The following IL1R1 variants were observed in gnomAD, a reference collection of about 807,000 sequenced individuals.
IL1R1 encodes the protein interleukin 1 receptor type 1.
IL1R1 carries 22 observed loss-of-function variants against 50.2 expected under a neutral mutation model. That is an observed-to-expected ratio of 0.44 (90% CI 0.31 to 0.63). The LOEUF (loss-of-function observed/expected upper bound fraction) is 0.63. IL1R1 is among the 20% of genes least tolerant of loss of function. The pLI, the probability that IL1R1 is intolerant of heterozygous loss-of-function variation, is 0.07. For missense variants in IL1R1, 509 were observed against 676.2 expected (o/e 0.75, Z 2.74); for synonymous variants, 251 against 236.7 (o/e 1.06, Z -0.55).
intron 1 of IL1R1, among the ~76,000 whole-genome samples, chr2:102,118,422 C>T (rs1431010716): frequency 6.6e-6 from 1 of 152,048 alleles, no homozygotes; most frequent in African/African-American, 2.4e-5. Flanking sequence ...AATGTGTTTC[C>T]CTGAGGTCTG....
intron 6 of IL1R1, 73 bp from the exon 7 acceptor site, chr2:102,168,525 T>C: frequency 8.7e-7 from 1 of 1,148,086 alleles, no homozygotes; most frequent in South Asian, 1.2e-5. Context: ...TAGTATGTTT[T>C]GCTAAGTGTT....
chr2:102,127,988 T>A (rs1681818734), intron 1 of IL1R1, among the ~76,000 whole-genome samples: 1 of 152,194 alleles, frequency 6.6e-6, no homozygotes, highest in Admixed American at 6.5e-5. Context: ...TATCTTTGAG[T>A]GTTTAGATTT....
intron 1 of IL1R1, among the ~76,000 whole-genome samples, chr2:102,112,161 G>T (rs1261563476): frequency 6.6e-6 from 1 of 152,056 alleles, no homozygotes; most frequent in South Asian, 2.1e-4. Context: ...CAGTCTTAGG[G>T]TCTTGGTGGC....
At chr2:102,126,129 C>A (rs1013571083) in intron 1 of IL1R1, among the ~76,000 whole-genome samples, 2 of 152,186 alleles carry the variant, frequency 1.3e-5, no homozygotes, top group African/African-American at 4.8e-5. Context: ...ACATAACCTA[C>A]TTAAGCATGA....
chr2:102,083,253 G>C (rs1286033866), intron 1 of IL1R1, among the ~76,000 whole-genome samples: 1 of 152,090 alleles, frequency 6.6e-6, no homozygotes, highest in Non-Finnish European at 1.5e-5. Flanking sequence ...CTTTGAGTGG[G>C]TGTTTGGAAA....
chr2:102,134,529 C>T (rs1164229856), intron 1 of IL1R1, among the ~76,000 whole-genome samples: 1 of 152,118 alleles, frequency 6.6e-6, no homozygotes, highest in Non-Finnish European at 1.5e-5. Context: ...CAGGCATGTG[C>T]CACCACGCCC....
intron 3 of IL1R1, among the ~76,000 whole-genome samples, chr2:102,164,209 C>G (rs1009247272): frequency 6.6e-6 from 1 of 152,100 alleles, no homozygotes; most frequent in Non-Finnish European, 1.5e-5. Flanking sequence ...TTATGCAGCT[C>G]TAAGTACTTG....
chr2:102,164,877 A>G lies in IL1R1; in HGVS notation c.165A>G (p.Ile55Met). Residue 55 changes from isoleucine to methionine, a missense_variant, in exon 4 of 12, where the codon ATA (isoleucine) becomes ATG (methionine). By Grantham distance (10) the Ile-to-Met change is conservative. Transcript: ENST00000410023. ...PLNPNEHKGT[I>M]TWYKDDSKTP... ...ACCCAAATGAACACAAAGGCACTATAACTTGGTATAAAGATGACAGCAAGA... is the reference window on the plus strand; with the variant it reads ...ACCCAAATGAACACAAAGGCACTATGACTTGGTATAAAGATGACAGCAAGA... 6.2e-7 allele frequency: 1 copy of G among 1,614,028 alleles called. No homozygotes were observed. The highest frequency in any genetic ancestry group is 8.5e-7 in the Non-Finnish European group (1 of 1,179,918).
chr2:102,120,456 A>G (rs1681344966), intron 1 of IL1R1, among the ~76,000 whole-genome samples: 1 of 152,226 alleles, frequency 6.6e-6, no homozygotes, highest in African/African-American at 2.4e-5. Context: ...CTTAGTAAAC[A>G]TTTGTCACAT....
At chr2:102,125,251 C>T (rs1490917472) in intron 1 of IL1R1, among the ~76,000 whole-genome samples, 1 of 152,192 alleles carries the variant, frequency 6.6e-6, no homozygotes. Flanking sequence ...TTGCAACTCC[C>T]TTCATCATCT....
At chr2:102,095,995 C>A (rs1053541535) in intron 1 of IL1R1, among the ~76,000 whole-genome samples, 14 of 152,210 alleles carry the variant, frequency 9.2e-5, no homozygotes, top group African/African-American at 3.1e-4. Context: ...TAGCCAGACT[C>A]TGTCTCAAAA....
intron 1 of IL1R1, among the ~76,000 whole-genome samples, chr2:102,082,716 G>A (rs1577800661): frequency 6.6e-6 from 1 of 152,104 alleles, no homozygotes; most frequent in East Asian, 1.9e-4. Context: ...AATATTTCAA[G>A]CGAGCATGCC....
chr2:102,167,334 C>T (rs1376654195), intron 6 of IL1R1, among the ~76,000 whole-genome samples: 1 of 151,924 alleles, frequency 6.6e-6, no homozygotes, highest in Non-Finnish European at 1.5e-5. Flanking sequence ...TTTTAGCAGC[C>T]TGTCATTGGG....
chr2:102,175,536 G>T lies in IL1R1; in HGVS notation c.1194G>T (p.Gly398=), dbSNP rs1686053833. 8 of 1,613,424 alleles carry T rather than the reference G, an allele frequency of 5.0e-6. No homozygotes were observed. The highest frequency in any genetic ancestry group is 6.8e-6 in the Non-Finnish European group (8 of 1,179,374). The change falls in exon 11 of 12, where the codon GGG becomes GGT. Residue 398 remains glycine (G), a synonymous_variant. Transcript: ENST00000410023. The stretch of plus-strand genomic sequence containing the variant: ...TGTATCCAAAGACTGTTGGGGAAGG[G>T]TCTACCTCTGACTGTGATATTTTTG... ...YILYPKTVGE[G]STSDCDIFVF... is the part of the protein sequence containing the mutation.
At chr2:102,164,498 C>T (rs1036722241) in intron 3 of IL1R1, among the ~76,000 whole-genome samples, 2 of 152,104 alleles carry the variant, frequency 1.3e-5, no homozygotes, top group Admixed American at 6.6e-5. Context: ...CATGTCTCTC[C>T]TCCTACATTG....
chr2:102,145,756 C>CCT lies in IL1R1; in HGVS notation c.-84+2737_-84+2738dup, dbSNP rs568583987. Among the ~76,000 whole-genome samples the CCT allele has an allele frequency of 1.5e-3, 223 of 152,264 alleles. 1 individual carries two copies. Among genetic ancestry groups the CCT allele is most frequent in the African/African-American group, 5.1e-3 (210 of 41,560 alleles). ...AGCCTGAGTCTTAGCTCTGCCTGCA[C>CCT]CTTAGCACTGCCTGAAGCACTCAGG... is the stretch of plus-strand genomic sequence containing the variant. On this transcript the variant is annotated intron_variant, in intron 1 of 11. Transcript: ENST00000410023.
At chr2:102,115,696 G>T (rs1386295173) in intron 1 of IL1R1, among the ~76,000 whole-genome samples, 2 of 152,108 alleles carry the variant, frequency 1.3e-5, no homozygotes, top group Middle Eastern at 3.2e-3. Context: ...AGGCCTTGGA[G>T]GGGGGAGAAG....
At position 102,177,206 on chromosome 2, in the gene IL1R1, C is replaced by T. The variant is rs1296256108; in HGVS notation, c.*447C>T. On this transcript the variant is annotated 3_prime_UTR_variant, in exon 12 of 12. Transcript: ENST00000410023. ...GCTTGAACCGGGGAGACGGAGGTTG[C>T]AGTGAGCCGAGTTTGGGCCACTGCA... is the stretch of plus-strand genomic sequence containing the variant. The T allele has an allele frequency of 1.1e-5, 2 of 182,470 alleles. No individual in the cohort carries two copies. The highest frequency in any genetic ancestry group is 2.0e-4 in the South Asian group (2 of 10,208). The allele number at this position is 182,470 out of a possible 1,614,324, so 11.3% of individuals were successfully genotyped here. A position where few individuals can be genotyped will look rare whatever the true frequency, so the allele number is the denominator to read the frequency against.
At chr2:102,145,010 C>G (rs1410383010) in intron 1 of IL1R1, among the ~76,000 whole-genome samples, 2 of 152,188 alleles carry the variant, frequency 1.3e-5, no homozygotes, top group Non-Finnish European at 2.9e-5. Flanking sequence ...CACCTGCAAG[C>G]TGGGACATTA....
Sources: allele counts gnomAD v4.1 joint callset (sites outside exome capture counted in the v4.1 genomes callset), GRCh38; gene constraint gnomAD v4.1.1; transcripts MANE v1.5; gene names NCBI Gene and HGNC (gene_info 2026-07-23, HGNC 2026-07-21).